CNTN5: variants seen among roughly 807,000 people sequenced by gnomAD.
CNTN5 encodes the protein contactin-5.
A neutral mutation model predicts 129.1 loss-of-function variants in CNTN5; 77 were observed. That is an observed-to-expected ratio of 0.60 (90% CI 0.50 to 0.72). The LOEUF (loss-of-function observed/expected upper bound fraction) is 0.72. Ranked by LOEUF, CNTN5 falls within the 30% of genes least tolerant of loss-of-function variation. The probability of loss-of-function intolerance (pLI) is 0.00; values close to 1 mark genes in which losing one functional copy is unlikely to be tolerated. For missense variants in CNTN5, 1,478 were observed against 1,328.8 expected, an observed-to-expected ratio of 1.11 and a Z score of -1.75; for synonymous variants, 509 against 465.6, an observed-to-expected ratio of 1.09 and a Z score of -1.20.
At chr11:99,769,401 T>A (rs1591133416) in intron 3 of CNTN5, among the ~76,000 whole-genome samples, 1 of 152,196 alleles carries the variant, frequency 6.6e-6, no homozygotes, top group African/African-American at 2.4e-5. Context: ...TCTTAGTTAC[T>A]TTTTTCTTAT....
At chr11:99,267,670 A>G (rs1862967683) in intron 1 of CNTN5, among the ~76,000 whole-genome samples, 1 of 151,972 alleles carries the variant, frequency 6.6e-6, no homozygotes. Flanking sequence ...AGGGCATACA[A>G]CCATTATAAG....
intron 2 of CNTN5, among the ~76,000 whole-genome samples, chr11:99,504,472 C>T (rs535992833): frequency 1.4e-4 from 20 of 139,360 alleles, no homozygotes; most frequent in Admixed American, 3.1e-4. Flanking sequence ...ACCCGGGAGG[C>T]GGAGGGTGCA....
intron 20 of CNTN5, among the ~76,000 whole-genome samples, chr11:100,308,018 C>A (rs1187240001): frequency 6.6e-6 from 1 of 150,992 alleles, no homozygotes; most frequent in Non-Finnish European, 1.5e-5. Context: ...AGTGCAACAA[C>A]AAAAAAAAGC....
intron 1 of CNTN5, among the ~76,000 whole-genome samples, chr11:99,292,657 T>A (rs1864219765): frequency 6.6e-6 from 1 of 152,068 alleles, no homozygotes; most frequent in African/African-American, 2.4e-5. Context: ...TTAAATTTTA[T>A]TTTTTTATTT....
At chr11:99,798,336 A>G (rs1946012589) in intron 3 of CNTN5, among the ~76,000 whole-genome samples, 1 of 152,182 alleles carries the variant, frequency 6.6e-6, no homozygotes, top group African/African-American at 2.4e-5. Context: ...GGACATAGTG[A>G]TAAATTGTTC....
chr11:99,439,802 C>T (rs1943754149), intron 2 of CNTN5, among the ~76,000 whole-genome samples: 1 of 150,854 alleles, frequency 6.6e-6, no homozygotes, highest in Non-Finnish European at 1.5e-5. Flanking sequence ...AGATAAGATA[C>T]ATGCATCTTG....
intron 2 of CNTN5, among the ~76,000 whole-genome samples, chr11:99,330,251 G>GGGAA (rs1409394135): frequency 6.7e-6 from 1 of 148,356 alleles, no homozygotes; most frequent in Non-Finnish European, 1.5e-5. Flanking sequence ...AAAGGAGGGA[G>GGGAA]GGAAGGAGAG....
chr11:99,869,006 C>T (rs1394402202), intron 6 of CNTN5, among the ~76,000 whole-genome samples: 1 of 152,176 alleles, frequency 6.6e-6, no homozygotes, highest in Non-Finnish European at 1.5e-5. Context: ...ACCCAAGCTC[C>T]TGTGACTGGT....
At chr11:99,201,560 T>G (rs1208278239) in intron 1 of CNTN5, among the ~76,000 whole-genome samples, 1 of 152,066 alleles carries the variant, frequency 6.6e-6, no homozygotes, top group Non-Finnish European at 1.5e-5. Context: ...GATTGAAGGT[T>G]GTGGATGGAT....
At chr11:99,842,890 G>C (rs1350412135) in intron 4 of CNTN5, among the ~76,000 whole-genome samples, 1 of 152,032 alleles carries the variant, frequency 6.6e-6, no homozygotes, top group Non-Finnish European at 1.5e-5. Context: ...GGTACAGTGA[G>C]ACATATTCTG....
intron 1 of CNTN5, among the ~76,000 whole-genome samples, chr11:99,218,294 G>A (rs932002686): frequency 6.6e-6 from 1 of 151,814 alleles, no homozygotes; most frequent in Non-Finnish European, 1.5e-5. Flanking sequence ...ATTCTCTTTT[G>A]ACCTCTAAAT....
At chr11:99,264,970 C>A (rs1862820250) in intron 1 of CNTN5, among the ~76,000 whole-genome samples, 1 of 151,846 alleles carries the variant, frequency 6.6e-6, no homozygotes. Context: ...TCCTTAGATA[C>A]TTTTATTGCA....
intron 6 of CNTN5, among the ~76,000 whole-genome samples, chr11:99,872,747 A>G (rs1334115068): frequency 6.6e-6 from 1 of 152,172 alleles, no homozygotes; most frequent in Non-Finnish European, 1.5e-5. Flanking sequence ...ATGGCATTAT[A>G]TGAGTAACAT....
At chr11:100,248,951 T>G (rs1348070425) in intron 16 of CNTN5, among the ~76,000 whole-genome samples, 1 of 152,202 alleles carries the variant, frequency 6.6e-6, no homozygotes, top group Non-Finnish European at 1.5e-5. Flanking sequence ...TTATCAAGAC[T>G]AAAGCCTGTT....
intron 6 of CNTN5, among the ~76,000 whole-genome samples, chr11:99,906,113 C>T (rs115458398): frequency 0.012 from 1,786 of 152,130 alleles, 46 homozygotes; most frequent in African/African-American, 0.041. Context: ...TCTGCCTATT[C>T]GAATGCTCTT....
Position 100,356,872 on chromosome 11 carries a change from G to A in CNTN5, c.*652G>A, listed in dbSNP as rs1219804042. 6.6e-6 allele frequency: 1 copy of A among 151,778 alleles called. No homozygotes were observed. The highest frequency in any genetic ancestry group is 1.5e-5 in the Non-Finnish European group (1 of 67,838). The allele number at this position is 151,778 out of a possible 1,614,324, so 9.4% of individuals were successfully genotyped here. On this transcript the variant is annotated 3_prime_UTR_variant, in exon 25 of 25. Coordinates refer to ENST00000524871, the MANE Select transcript of CNTN5 (RefSeq NM_014361.4). ...TAGGGAATAAGCCATTTACATTAGT[G>A]CAAGATAGAAAGCGAGTCCAGATGA...
intron 3 of CNTN5, among the ~76,000 whole-genome samples, chr11:99,628,558 T>C (rs1005908565): frequency 3.3e-5 from 5 of 150,492 alleles, no homozygotes; most frequent in African/African-American, 1.2e-4. Context: ...AAAATCTGAA[T>C]TATGTCTATC....
intron 2 of CNTN5, among the ~76,000 whole-genome samples, chr11:99,362,963 T>G (rs1185679842): frequency 6.6e-6 from 1 of 152,098 alleles, no homozygotes; most frequent in East Asian, 1.9e-4. Context: ...TCTTCCAACT[T>G]TATTTTTCTT....
chr11:100,096,430 C>A (rs138447500), intron 13 of CNTN5, among the ~76,000 whole-genome samples: 2 of 151,942 alleles, frequency 1.3e-5, no homozygotes, highest in African/African-American at 4.8e-5. Flanking sequence ...TGGGATAGTC[C>A]GTCTACTCGC....
Sources: gnomAD v4.1 joint callset for allele counts (sites outside exome capture counted in the v4.1 genomes callset) on GRCh38, gnomAD v4.1.1 for gene constraint, MANE v1.5 for transcripts, NCBI Gene and HGNC (gene_info 2026-07-23, HGNC 2026-07-21) for gene names.